CHL1: variants seen among roughly 807,000 people sequenced by gnomAD.
CHL1 encodes neural cell adhesion molecule L1-like protein.
In CHL1, 96 loss-of-function variants were observed where a neutral mutation model predicts 141.9. That is an observed-to-expected ratio of 0.68 (90% CI 0.57 to 0.80). The LOEUF is 0.80. Ranked by LOEUF, CHL1 falls within the 30% of genes least tolerant of loss-of-function variation. The pLI, the probability that CHL1 is intolerant of heterozygous loss-of-function variation, is 0.00. For missense variants in CHL1, 1,820 were observed against 1,457.2 expected, an observed-to-expected ratio of 1.25 and a Z score of -4.05; for synonymous variants, 613 against 502.2, an observed-to-expected ratio of 1.22 and a Z score of -2.95.
At chr3:331,397 C>T (rs1701428977) in intron 5 of CHL1, among the ~76,000 whole-genome samples, 1 of 151,908 alleles carries the variant, frequency 6.6e-6, no homozygotes, top group South Asian at 2.1e-4. Flanking sequence ...CGTGCCTGGC[C>T]AATTTTTATT....
chr3:402,304 A>C (rs1025193042), intron 27 of CHL1, among the ~76,000 whole-genome samples: 13 of 152,196 alleles, frequency 8.5e-5, no homozygotes, highest in African/African-American at 3.1e-4. Flanking sequence ...AGGATGACCA[A>C]ATGAGTGAGG....
At chr3:214,053 A>G (rs1336715849) in intron 1 of CHL1, among the ~76,000 whole-genome samples, 1 of 152,198 alleles carries the variant, frequency 6.6e-6, no homozygotes, top group Non-Finnish European at 1.5e-5. Context: ...GAGTCAACCT[A>G]ATGCTTGCTT....
At chr3:245,434 C>G (rs752779569) in intron 2 of CHL1, among the ~76,000 whole-genome samples, 3 of 152,038 alleles carry the variant, frequency 2.0e-5, no homozygotes, top group Admixed American at 6.6e-5. Flanking sequence ...AATATTAGCA[C>G]TGGGTTTGGT....
At chr3:216,596 A>G (rs1700344249) in intron 1 of CHL1, among the ~76,000 whole-genome samples, 1 of 152,206 alleles carries the variant, frequency 6.6e-6, no homozygotes, top group Non-Finnish European at 1.5e-5. Flanking sequence ...GCTTTACCAA[A>G]AGTATCTGAA....
intron 16 of CHL1, among the ~76,000 whole-genome samples, chr3:381,791 A>C (rs906796173): frequency 1.6e-4 from 24 of 152,052 alleles, no homozygotes; most frequent in African/African-American, 5.8e-4. Context: ...GTTTCCCCTT[A>C]TCTGAGGTCT....
chr3:237,838 T>G (rs1378210368), intron 1 of CHL1, among the ~76,000 whole-genome samples: 5 of 152,154 alleles, frequency 3.3e-5, no homozygotes, highest in Non-Finnish European at 5.9e-5. Flanking sequence ...AGAGTCAATA[T>G]CTGTGATTTA....
chr3:216,175 GC>G (rs1476388909), intron 1 of CHL1, among the ~76,000 whole-genome samples: 5 of 152,158 alleles, frequency 3.3e-5, no homozygotes, highest in Admixed American at 6.5e-5. Context: ...GTATTTTAAA[GC>G]TGATGTCTTG....
intron 1 of CHL1, among the ~76,000 whole-genome samples, chr3:236,207 C>G (rs897236136): frequency 5.9e-5 from 9 of 151,994 alleles, no homozygotes; most frequent in Non-Finnish European, 1.0e-4. Flanking sequence ...TATCCACATT[C>G]GACTGCAGAA....
chr3:227,451 C>T (rs1346316098), intron 1 of CHL1, among the ~76,000 whole-genome samples: 1 of 152,118 alleles, frequency 6.6e-6, no homozygotes, highest in East Asian at 1.9e-4. Context: ...CTCAAACATC[C>T]TCAATGACTG....
intron 15 of CHL1, among the ~76,000 whole-genome samples, chr3:374,206 C>G (rs1344489297): frequency 6.6e-6 from 1 of 151,948 alleles, no homozygotes; most frequent in African/African-American, 2.4e-5. Context: ...TTGATTTATT[C>G]TCTCCCCTCC....
intron 9 of CHL1, among the ~76,000 whole-genome samples, chr3:349,093 G>A (rs538326413): frequency 1.3e-5 from 2 of 152,184 alleles, no homozygotes; most frequent in Non-Finnish European, 2.9e-5. Flanking sequence ...GCACTTACAT[G>A]TAGTTAGCCC....
At chr3:254,523 G>C (rs193254610) in intron 2 of CHL1, among the ~76,000 whole-genome samples, 1 of 152,296 alleles carries the variant, frequency 6.6e-6, no homozygotes, top group Non-Finnish European at 1.5e-5. Context: ...CTTGTGATGA[G>C]ATGATTGTCA....
intron 1 of CHL1, among the ~76,000 whole-genome samples, chr3:202,603 C>T (rs1287367621): frequency 6.6e-6 from 1 of 152,088 alleles, no homozygotes; most frequent in East Asian, 1.9e-4. Context: ...CTAACACGCC[C>T]TAATGTACCA....
At chr3:217,208 C>G (rs775514704) in intron 1 of CHL1, among the ~76,000 whole-genome samples, 1 of 152,110 alleles carries the variant, frequency 6.6e-6, no homozygotes, top group Non-Finnish European at 1.5e-5. Flanking sequence ...GGGGTTGCAG[C>G]TGTGCTCCCA....
At chr3:323,535 C>T (rs1700764380) in intron 3 of CHL1, among the ~76,000 whole-genome samples, 1 of 152,090 alleles carries the variant, frequency 6.6e-6, no homozygotes, top group African/African-American at 2.4e-5. Context: ...TTAGATTTCA[C>T]ATTTCAATGA....
At chr3:291,055 T>C (rs1255012013) in intron 2 of CHL1, among the ~76,000 whole-genome samples, 1 of 152,096 alleles carries the variant, frequency 6.6e-6, no homozygotes, top group Non-Finnish European at 1.5e-5. Flanking sequence ...AATTTATAAA[T>C]AATATTGTAT....
At chr3:237,071 C>T (rs1052457633) in intron 1 of CHL1, among the ~76,000 whole-genome samples, 18 of 152,146 alleles carry the variant, frequency 1.2e-4, no homozygotes, top group Admixed American at 9.2e-4. Flanking sequence ...CTCTCTATTA[C>T]GCTGTTGGCT....
At chr3:289,383 A>G (rs1055360229) in intron 2 of CHL1, among the ~76,000 whole-genome samples, 1 of 152,110 alleles carries the variant, frequency 6.6e-6, no homozygotes, top group African/African-American at 2.4e-5. Context: ...TTTTATTCTG[A>G]AAATATTAGG....
chr3:328,307 A>G lies in CHL1; in HGVS notation c.338A>G (p.Asn113Ser), dbSNP rs1399317618. 1.9e-6 allele frequency: 3 copies of G among 1,612,132 alleles called. No individual in the cohort carries two copies. Among genetic ancestry groups the G allele is most frequent in the East Asian group, 2.2e-5 (1 of 44,790 alleles). Residue 113 changes from asparagine (N) to serine (S), a missense_variant, in exon 5 of 28, where the codon AAT becomes AGT. By Grantham distance (46) the Asn-to-Ser change is conservative. Transcript: ENST00000256509. The part of the protein sequence containing the change: ...FQGKYRCFAS[N>S]KLGIAMSEEI... ...GGGAAATACCGCTGCTTTGCTTCAA[A>G]TAAACTGGGAATCGCTATGTCAGAA...
Sources: gnomAD v4.1 joint callset for allele counts (sites outside exome capture counted in the v4.1 genomes callset) on GRCh38, gnomAD v4.1.1 for gene constraint, MANE v1.5 for transcripts, NCBI Gene and HGNC (gene_info 2026-07-23, HGNC 2026-07-21) for gene names.